The following SKIC3 variants were observed in gnomAD, a reference collection of about 807,000 sequenced individuals.
The protein encoded by SKIC3 is SKI3 subunit of superkiller complex.
chr5:95,507,710 G>A, the SKIC3 span, among the ~76,000 whole-genome samples: 1 of 152,080 alleles, frequency 6.6e-6, no homozygotes, highest in African/African-American at 2.4e-5. Flanking sequence ...TGCTAGAGAA[G>A]CCTAAAGACA....
the SKIC3 span, among the ~76,000 whole-genome samples, chr5:95,495,759 T>A: frequency 3.9e-5 from 6 of 152,214 alleles, no homozygotes; most frequent in African/African-American, 1.4e-4. Context: ...TTGTTAGATG[T>A]GCAGAATATT....
the SKIC3 span, among the ~76,000 whole-genome samples, chr5:95,546,561 A>AT: frequency 1.3e-5 from 2 of 152,178 alleles, no homozygotes; most frequent in African/African-American, 4.8e-5. Flanking sequence ...TGGAAGAAGG[A>AT]TTAAAGGGCT....
chr5:95,532,158 T>C, the SKIC3 span, among the ~76,000 whole-genome samples: 2 of 151,968 alleles, frequency 1.3e-5, no homozygotes, highest in East Asian at 3.8e-4. Context: ...GGGATGAAAA[T>C]AGTTAAGAAA....
At chr5:95,506,939 C>A in the SKIC3 span, 1 of 1,613,202 alleles carries the variant, frequency 6.2e-7, no homozygotes, top group African/African-American at 1.3e-5. Context: ...CTTACCATAA[C>A]AATCTGCCGT....
the SKIC3 span, among the ~76,000 whole-genome samples, chr5:95,497,955 T>C: frequency 6.6e-6 from 1 of 152,096 alleles, no homozygotes. Context: ...CTGCTAAAAA[T>C]AAAACATAAT....
At chr5:95,469,752 A>T in the SKIC3 span, 1 of 1,613,400 alleles carries the variant, frequency 6.2e-7, no homozygotes, top group Non-Finnish European at 8.5e-7. Flanking sequence ...AGAAGCATTT[A>T]TAAGAAAAAG....
the SKIC3 span, chr5:95,522,096 T>C: frequency 3.1e-6 from 5 of 1,613,838 alleles, no homozygotes; most frequent in African/African-American, 1.3e-5. Flanking sequence ...TTAATGATCA[T>C]CTGGTATTGA....
the SKIC3 span, among the ~76,000 whole-genome samples, chr5:95,477,057 A>C: frequency 6.6e-6 from 1 of 152,206 alleles, no homozygotes; most frequent in South Asian, 2.1e-4. Context: ...AAGAGTGTCT[A>C]CTTCTCCAGT....
At chr5:95,543,343 T>A in the SKIC3 span, 73 of 1,612,998 alleles carry the variant, frequency 4.5e-5, 1 homozygote, top group East Asian at 1.4e-3. Context: ...TTAAAAAAAA[T>A]TAAAAGAGTA....
chr5:95,521,041 G>A, the SKIC3 span, among the ~76,000 whole-genome samples: 1 of 151,894 alleles, frequency 6.6e-6, no homozygotes, highest in Non-Finnish European at 1.5e-5. Flanking sequence ...TTATAAAAAA[G>A]TTATCTACAG....
the SKIC3 span, among the ~76,000 whole-genome samples, chr5:95,490,397 AAT>A: frequency 2.1e-4 from 31 of 147,124 alleles, no homozygotes; most frequent in East Asian, 2.7e-3. Flanking sequence ...ATTTTTAATG[AAT>A]ATATATATAT....
the SKIC3 span, chr5:95,547,257 TC>T: frequency 2.3e-3 from 2,039 of 900,682 alleles, 25 homozygotes; most frequent in African/African-American, 0.027. Context: ...AGGAAAAGAC[TC>T]CTTCTCTCTG....
chr5:95,484,243 C>T, the SKIC3 span, among the ~76,000 whole-genome samples: 3 of 151,712 alleles, frequency 2.0e-5, no homozygotes, highest in African/African-American at 7.3e-5. Context: ...AATGCAGTGA[C>T]TGGTTTGTGG....
the SKIC3 span, among the ~76,000 whole-genome samples, chr5:95,476,236 G>A: frequency 1.3e-5 from 2 of 152,166 alleles, no homozygotes; most frequent in Non-Finnish European, 2.9e-5. Flanking sequence ...GTACTCCTGA[G>A]TTGAATGCCG....
At chr5:95,554,299 C>G in the SKIC3 span, among the ~76,000 whole-genome samples, 6 of 152,080 alleles carry the variant, frequency 3.9e-5, no homozygotes, top group Non-Finnish European at 7.4e-5. Context: ...AATATTAAAA[C>G]TACTAGTGTG....
chr5:95,477,331 C>T, the SKIC3 span, among the ~76,000 whole-genome samples: 6 of 152,020 alleles, frequency 3.9e-5, no homozygotes, highest in Non-Finnish European at 8.8e-5. Flanking sequence ...CTTAAATGTG[C>T]TCTACAGTAA....
At chr5:95,508,996 A>G in the SKIC3 span, among the ~76,000 whole-genome samples, 2 of 152,140 alleles carry the variant, frequency 1.3e-5, no homozygotes, top group African/African-American at 4.8e-5. Flanking sequence ...GTTTTGTTTC[A>G]TCTTTCTTTT....
At chr5:95,503,961 C>A in the SKIC3 span, 1 of 1,612,542 alleles carries the variant, frequency 6.2e-7, no homozygotes, top group South Asian at 1.1e-5. Flanking sequence ...GCACAACTTA[C>A]TTTTAATATC....
chr5:95,514,778 T>C, the SKIC3 span: 1 of 1,467,814 alleles, frequency 6.8e-7, no homozygotes, highest in East Asian at 2.4e-5. Flanking sequence ...TCCGTTACCA[T>C]TATTATCACT....
Sources: allele counts gnomAD v4.1 joint callset (sites outside exome capture counted in the v4.1 genomes callset), GRCh38; gene constraint gnomAD v4.1.1; transcripts MANE v1.5; gene names NCBI Gene and HGNC (gene_info 2026-07-23, HGNC 2026-07-21).